TRPM3: variants seen among roughly 807,000 people sequenced by gnomAD.
TRPM3 encodes the protein transient receptor potential cation channel subfamily M member 3.
TRPM3 carries 77 observed loss-of-function variants against 181.2 expected under a neutral mutation model. That is an observed-to-expected ratio of 0.42 (90% confidence interval 0.35 to 0.51). TRPM3 has a LOEUF of 0.51. Among genes scored for constraint, TRPM3 ranks in the 20% least tolerant of loss-of-function variants. TRPM3 has a pLI of 0.01. For synonymous variants in TRPM3, 745 were observed against 796.4 expected, an observed-to-expected ratio of 0.94 and a Z score of 1.09; for missense variants, 1,759 against 2,196.7, an observed-to-expected ratio of 0.80 and a Z score of 3.98.
At chr9:70,868,761 C>G (rs1337872587) in intron 1 of TRPM3, among the ~76,000 whole-genome samples, 1 of 152,026 alleles carries the variant, frequency 6.6e-6, no homozygotes, top group Non-Finnish European at 1.5e-5. Context: ...GAACAAATTA[C>G]AAGAAAAGTT....
At chr9:70,587,356 G>T (rs915010571) in intron 22 of TRPM3, among the ~76,000 whole-genome samples, 10 of 152,170 alleles carry the variant, frequency 6.6e-5, no homozygotes, top group Non-Finnish European at 1.3e-4. Flanking sequence ...CCCTGGTACA[G>T]CCTGGGGAAT....
chr9:71,178,427 C>T (rs574728373), intron 1 of TRPM3, among the ~76,000 whole-genome samples: 1 of 152,082 alleles, frequency 6.6e-6, no homozygotes, highest in South Asian at 2.1e-4. Context: ...TTTGTAAGAT[C>T]TCAGGCAATT....
intron 9 of TRPM3, among the ~76,000 whole-genome samples, chr9:70,641,891 C>T (rs1366372421): frequency 6.6e-6 from 1 of 152,174 alleles, no homozygotes; most frequent in East Asian, 1.9e-4. Context: ...CCTGTGGCTC[C>T]TCTCAGCCAC....
intron 1 of TRPM3, among the ~76,000 whole-genome samples, chr9:70,988,243 A>T (rs867079578): frequency 6.6e-6 from 1 of 152,230 alleles, no homozygotes; most frequent in South Asian, 2.1e-4. Context: ...TGATTAAAAT[A>T]CATACTAATG....
chr9:71,138,330 A>G (rs1194560093), intron 1 of TRPM3, among the ~76,000 whole-genome samples: 1 of 152,156 alleles, frequency 6.6e-6, no homozygotes, highest in Non-Finnish European at 1.5e-5. Flanking sequence ...ATTTCAGGAG[A>G]AACGCTGGAG....
intron 10 of TRPM3, 122 bp downstream of exon 10, chr9:70,640,438 A>G: frequency 1.4e-6 from 1 of 695,032 alleles, no homozygotes. Flanking sequence ...CTTTGCTACC[A>G]AGGAACACAT....
intron 6 of TRPM3, among the ~76,000 whole-genome samples, chr9:70,814,268 C>T (rs1465436162): frequency 2.0e-5 from 3 of 152,016 alleles, no homozygotes; most frequent in Admixed American, 6.6e-5. Flanking sequence ...GTGAAACCAG[C>T]GGTATATGAG....
At chr9:71,213,128 T>C (rs1463471434) in intron 1 of TRPM3, among the ~76,000 whole-genome samples, 1 of 152,226 alleles carries the variant, frequency 6.6e-6, no homozygotes, top group Non-Finnish European at 1.5e-5. Context: ...GGCCATACAA[T>C]CTCTGTTGCA....
chr9:71,380,400 G>GGT, intron 1 of TRPM3, among the ~76,000 whole-genome samples: 1 of 152,138 alleles, frequency 6.6e-6, no homozygotes. Flanking sequence ...ATTAGAGAAT[G>GGT]AGGAAGCCCA....
At chr9:71,325,758 A>C (rs764131168) in intron 1 of TRPM3, among the ~76,000 whole-genome samples, 4 of 150,530 alleles carry the variant, frequency 2.7e-5, no homozygotes, top group African/African-American at 4.9e-5. Flanking sequence ...CCACCCACCC[A>C]CACACACACA....
At chr9:71,192,318 G>T (rs1270661400) in intron 1 of TRPM3, among the ~76,000 whole-genome samples, 2 of 151,742 alleles carry the variant, frequency 1.3e-5, no homozygotes, top group Non-Finnish European at 2.9e-5. Flanking sequence ...AAGGCATGAA[G>T]TTTTGCTCTC....
intron 1 of TRPM3, among the ~76,000 whole-genome samples, chr9:70,942,335 A>C (rs1393339385): frequency 1.3e-5 from 2 of 152,196 alleles, no homozygotes; most frequent in Non-Finnish European, 2.9e-5. Context: ...ATGGAATCTG[A>C]GGCAAAGAAG....
At chr9:71,423,445 A>G (rs1163026247) in intron 1 of TRPM3, among the ~76,000 whole-genome samples, 1 of 152,120 alleles carries the variant, frequency 6.6e-6, no homozygotes, top group Non-Finnish European at 1.5e-5. Flanking sequence ...GCATTTTCTG[A>G]GTAACCATTC....
intron 1 of TRPM3, among the ~76,000 whole-genome samples, chr9:71,359,921 A>G (rs1044804825): frequency 2.6e-5 from 4 of 152,184 alleles, no homozygotes; most frequent in African/African-American, 9.6e-5. Flanking sequence ...ATAAGATAAG[A>G]TGCCTAAGAA....
At chr9:70,686,675 CTCCTTCCTTCTTTCCTTCCTTCCT>C (rs1165304497) in intron 8 of TRPM3, among the ~76,000 whole-genome samples, 8 of 82,578 alleles carry the variant, frequency 9.7e-5, no homozygotes, top group South Asian at 5.0e-4. Flanking sequence ...TTCCTGGAAA[CTCCTTCCTTCTTTCCTTCCTTCCT>C]TCCTTCCTTC....
At chr9:71,316,988 C>T (rs1185368878) in intron 1 of TRPM3, among the ~76,000 whole-genome samples, 1 of 152,120 alleles carries the variant, frequency 6.6e-6, no homozygotes, top group African/African-American at 2.4e-5. Context: ...GAATTCCTAA[C>T]TTTTTGAGGC....
At chr9:71,316,596 G>T (rs1000553198) in intron 1 of TRPM3, among the ~76,000 whole-genome samples, 7 of 152,054 alleles carry the variant, frequency 4.6e-5, no homozygotes, top group Non-Finnish European at 1.0e-4. Context: ...TGCTGTCTTT[G>T]AAGATGGAAG....
chr9:70,897,486 C>T lies in TRPM3; in HGVS notation c.178-32975G>A, dbSNP rs534066471. ...GATGTATAAGGGTAGCGAATATCAGCGGTGGAATTAGATCTCAATTTTCAA... is the reference window on the plus strand; with the variant it reads ...GATGTATAAGGGTAGCGAATATCAGTGGTGGAATTAGATCTCAATTTTCAA... On this transcript the variant is annotated intron_variant, in intron 1 of 25. Coordinates refer to ENST00000677713, the MANE Select transcript of TRPM3 (RefSeq NM_001366145.2). 7.2e-5 allele frequency among the ~76,000 whole-genome samples: 11 copies of T among 151,826 alleles called. No homozygotes were observed. The East Asian group carries it at 9.7e-4, about 13-fold the overall frequency.
chr9:71,085,034 C>T (rs553501731), intron 1 of TRPM3, among the ~76,000 whole-genome samples: 1 of 151,920 alleles, frequency 6.6e-6, no homozygotes, highest in Admixed American at 6.6e-5. Flanking sequence ...AGGGAAGGGA[C>T]TCCCTAGTCA....
Sources: gnomAD v4.1 joint callset for allele counts (sites outside exome capture counted in the v4.1 genomes callset) on GRCh38, gnomAD v4.1.1 for gene constraint, MANE v1.5 for transcripts, NCBI Gene and HGNC (gene_info 2026-07-23, HGNC 2026-07-21) for gene names.